OR6N1: variants seen among roughly 807,000 people sequenced by gnomAD.
The protein encoded by OR6N1 is olfactory receptor 6N1.
For missense variants in OR6N1, 394 were observed against 371.7 expected (o/e 1.06, Z -0.49); for synonymous variants, 170 against 150.7 (o/e 1.13, Z -0.94).
At chr1:158,785,576 T>C in the OR6N1 span, among the ~76,000 whole-genome samples, 3 of 152,186 alleles carry the variant, frequency 2.0e-5, no homozygotes, top group Admixed American at 6.5e-5. Context: ...CAGGATATGT[T>C]CTTAAGACTG....
chr1:158,833,272 T>C, the OR6N1 span, among the ~76,000 whole-genome samples: 4 of 152,226 alleles, frequency 2.6e-5, no homozygotes, highest in Non-Finnish European at 5.9e-5. Context: ...TATGGATATT[T>C]TCACTGCCAA....
At chr1:158,770,816 C>T (rs1657406815) in intron 1 of OR6N1, among the ~76,000 whole-genome samples, 1 of 152,150 alleles carries the variant, frequency 6.6e-6, no homozygotes, top group South Asian at 2.1e-4. Flanking sequence ...GGGCATCAAC[C>T]CTCTGCCTGG....
At chr1:158,803,664 T>G in the OR6N1 span, among the ~76,000 whole-genome samples, 1 of 152,248 alleles carries the variant, frequency 6.6e-6, no homozygotes. Flanking sequence ...CTGTATGGCT[T>G]GGCATTGACT....
At chr1:158,834,637 T>C in the OR6N1 span, among the ~76,000 whole-genome samples, 2 of 152,212 alleles carry the variant, frequency 1.3e-5, no homozygotes, top group Non-Finnish European at 2.9e-5. Context: ...GTCTAATTTA[T>C]CTATTTTATT....
chr1:158,791,914 G>T, the OR6N1 span, among the ~76,000 whole-genome samples: 1 of 152,206 alleles, frequency 6.6e-6, no homozygotes, highest in Non-Finnish European at 1.5e-5. Flanking sequence ...AGGTCCATTT[G>T]TTCTACAGCA....
chr1:158,777,422 A>G, the OR6N1 span: 1 of 1,614,196 alleles, frequency 6.2e-7, no homozygotes, highest in African/African-American at 1.3e-5. Flanking sequence ...GCTGTATACC[A>G]CAACTCCAAG....
chr1:158,779,216 A>T, the OR6N1 span, among the ~76,000 whole-genome samples: 1 of 152,152 alleles, frequency 6.6e-6, no homozygotes, highest in South Asian at 2.1e-4. Flanking sequence ...AAAAGAAAAC[A>T]ATAACAAAAA....
the OR6N1 span, among the ~76,000 whole-genome samples, chr1:158,808,069 A>C: frequency 6.6e-6 from 1 of 150,910 alleles, no homozygotes; most frequent in African/African-American, 2.4e-5. Flanking sequence ...GGCTATGACA[A>C]ATTAGATCAT....
chr1:158,777,428 C>T, the OR6N1 span: 1 of 1,614,126 alleles, frequency 6.2e-7, no homozygotes, highest in Non-Finnish European at 8.5e-7. Flanking sequence ...TACCACAACT[C>T]CAAGAAGGAA....
At chr1:158,772,936 CA>C (rs1157366709), upstream of OR6N1, among the ~76,000 whole-genome samples, 1 of 151,964 alleles carries the variant, frequency 6.6e-6, no homozygotes, top group East Asian at 1.9e-4. Context: ...ATACATGTAT[CA>C]AAACATCACA....
At chr1:158,799,925 G>A in the OR6N1 span, among the ~76,000 whole-genome samples, 1 of 151,972 alleles carries the variant, frequency 6.6e-6, no homozygotes, top group African/African-American at 2.4e-5. Context: ...CTGCTTTCCC[G>A]CCTACATGTG....
the OR6N1 span, among the ~76,000 whole-genome samples, chr1:158,798,714 T>C: frequency 6.6e-6 from 1 of 151,650 alleles, no homozygotes; most frequent in Non-Finnish European, 1.5e-5. Context: ...TTGTTAATTA[T>C]TCTACAAATA....
upstream of OR6N1, chr1:158,776,974 A>T: frequency 6.2e-7 from 1 of 1,614,142 alleles, no homozygotes; most frequent in Non-Finnish European, 8.5e-7. Context: ...AGCCCCAATG[A>T]TCCTTGCATA....
chr1:158,784,542 C>T, the OR6N1 span, among the ~76,000 whole-genome samples: 1 of 152,184 alleles, frequency 6.6e-6, no homozygotes, highest in Non-Finnish European at 1.5e-5. Flanking sequence ...ACTGTAACTT[C>T]ATACCCTTTA....
At chr1:158,795,097 A>C in the OR6N1 span, among the ~76,000 whole-genome samples, 4 of 152,202 alleles carry the variant, frequency 2.6e-5, no homozygotes, top group African/African-American at 7.2e-5. Flanking sequence ...CCCAGAGGGC[A>C]GTTCCCTGGC....
At chr1:158,781,538 G>A in the OR6N1 span, among the ~76,000 whole-genome samples, 10,530 of 152,192 alleles carry the variant, frequency 0.069, 400 homozygotes, top group African/African-American at 0.086. Flanking sequence ...TTCTGAAAAT[G>A]TGACCCTAAT....
chr1:158,765,034 GA>G lies in OR6N1; in HGVS notation c.*709del, dbSNP rs1191654192. ...TTACTAGATATTGTTCTAAGACCCA[GA>G]GTAATGATGTGAAGTCTTCGCAGAA... On this transcript the variant is annotated 3_prime_UTR_variant, in exon 2 of 2. Coordinates refer to ENST00000641846, the MANE Select transcript of OR6N1 (RefSeq NM_001005185.2). 1 of 152,026 alleles carries G rather than the reference GA, an allele frequency of 6.6e-6. No individual in the cohort carries two copies. Among genetic ancestry groups the G allele is most frequent in the Non-Finnish European group, 1.5e-5 (1 of 67,992 alleles). The allele number at this position is 152,026 out of a possible 1,614,324, so 9.4% of individuals were successfully genotyped here.
chr1:158,811,375 C>G, the OR6N1 span, among the ~76,000 whole-genome samples: 21 of 151,620 alleles, frequency 1.4e-4, no homozygotes, highest in Admixed American at 9.8e-4. Flanking sequence ...ATTTGCCGAG[C>G]AGTGTTCTAA....
chr1:158,827,677 A>T, the OR6N1 span, among the ~76,000 whole-genome samples: 1 of 152,206 alleles, frequency 6.6e-6, no homozygotes, highest in East Asian at 1.9e-4. Flanking sequence ...GAACCAGAAA[A>T]GTGGGAAATA....
Sources: allele counts gnomAD v4.1 joint callset (sites outside exome capture counted in the v4.1 genomes callset), GRCh38; gene constraint gnomAD v4.1.1; transcripts MANE v1.5; gene names NCBI Gene and HGNC (gene_info 2026-07-23, HGNC 2026-07-21).